Variants in EPB41L3 observed in about 807,000 individuals in gnomAD.
EPB41L3 encodes the protein erythrocyte membrane protein band 4.1 like 3.
EPB41L3 carries 57 observed loss-of-function variants against 127.1 expected under a neutral mutation model. The observed-to-expected ratio is 0.45, with a 90% confidence interval of 0.36 to 0.56. EPB41L3 has a LOEUF of 0.56. EPB41L3 is among the 20% of genes least tolerant of loss of function. EPB41L3 has a pLI of 0.00. For missense variants in EPB41L3, 1,273 were observed against 1,372.2 expected (o/e 0.93, Z 1.14); for synonymous variants, 572 against 549.5 (o/e 1.04, Z -0.57).
In EPB41L3 at chr18:5,397,922, A is replaced by G; in HGVS notation, c.2472+99T>C. ...AGACACCTTTGAGATGTTGAAGGCA[A>G]AGCCAGCTGGATGCAACCACACACT... is the stretch of plus-strand genomic sequence containing the variant. On this transcript the variant is annotated intron_variant, in intron 17 of 22. Transcript: ENST00000341928. The surrounding 1 kb of genome is among the most constrained non-coding windows in gnomAD (Gnocchi z 4.1). 6.8e-7 allele frequency: 1 copy of G among 1,474,058 alleles called. No homozygotes were observed. Among genetic ancestry groups the G allele is most frequent in the Non-Finnish European group, 9.3e-7 (1 of 1,072,240 alleles). 91.3% of individuals were successfully genotyped at this position (1,474,058 alleles called of 1,614,324 possible).
intron 3 of EPB41L3, among the ~76,000 whole-genome samples, chr18:5,453,876 G>A (rs990907741): frequency 6.6e-6 from 1 of 152,144 alleles, no homozygotes; most frequent in Non-Finnish European, 1.5e-5. Flanking sequence ...TATTTTGGAC[G>A]AATCTAACAA....
rs115668653 is a variant in EPB41L3 at position 5,405,172 on chromosome 18, T to C, written c.2349+1605A>G. Among the ~76,000 whole-genome samples the C allele has an allele frequency of 6.3e-3, 953 of 152,290 alleles. 3 individuals are homozygous for C. The highest frequency in any genetic ancestry group is 0.022 in the African/African-American group (898 of 41,564). On this transcript the variant is annotated intron_variant, in intron 16 of 22. Coordinates refer to ENST00000341928, the MANE Select transcript of EPB41L3 (RefSeq NM_012307.5). ...CTTTTGATAAACAGCTTTCAAAGGT[T>C]TAGAACATGATCAACAATAAGTGTA...
At chr18:5,562,557 A>G (rs992314162) in intron 3 of EPB41L3, among the ~76,000 whole-genome samples, 1 of 152,220 alleles carries the variant, frequency 6.6e-6, no homozygotes, top group African/African-American at 2.4e-5. Context: ...GGGTCAGGGT[A>G]CCAACCTCGT....
intron 13 of EPB41L3, among the ~76,000 whole-genome samples, chr18:5,415,491 T>C (rs920566730): frequency 6.6e-6 from 1 of 152,244 alleles, no homozygotes; most frequent in Admixed American, 6.5e-5. Context: ...AAACCATAAC[T>C]GATCAGAACC....
chr18:5,440,771 T>C (rs1428046117), intron 5 of EPB41L3, among the ~76,000 whole-genome samples: 5 of 152,222 alleles, frequency 3.3e-5, no homozygotes, highest in African/African-American at 1.2e-4. Flanking sequence ...TACTGTATCA[T>C]AAACATACTT....
chr18:5,608,258 C>T (rs1206778540), intron 3 of EPB41L3, among the ~76,000 whole-genome samples: 1 of 152,090 alleles, frequency 6.6e-6, no homozygotes, highest in Non-Finnish European at 1.5e-5. Context: ...GACGGGCACA[C>T]CAGATGTGTT....
intron 1 of EPB41L3, among the ~76,000 whole-genome samples, chr18:5,515,317 A>G (rs1254877097): frequency 6.6e-6 from 1 of 152,206 alleles, no homozygotes; most frequent in East Asian, 1.9e-4. Context: ...TTGCTGAAAT[A>G]ACATTGTTTG....
chr18:5,499,999 T>C lies in EPB41L3; in HGVS notation c.-11-10805A>G, dbSNP rs374004115. Among the ~76,000 whole-genome samples, 25 of 152,226 alleles carry C rather than the reference T, an allele frequency of 1.6e-4. No individual in the cohort carries two copies. The East Asian group carries it at 4.1e-3, about 25-fold the overall frequency. On this transcript the variant is annotated intron_variant, in intron 1 of 22. Transcript: ENST00000341928. Reference sequence around the variant, plus strand: ...TTTCTACAGAAAACATGAATGGCACTGAGTCTGCTTTTCGAGGCTCAATAA... The same window carrying C: ...TTTCTACAGAAAACATGAATGGCACCGAGTCTGCTTTTCGAGGCTCAATAA...
chr18:5,544,414 T>C (rs940876139), upstream of EPB41L3: 13 of 740,454 alleles, frequency 1.8e-5, no homozygotes, highest in African/African-American at 5.7e-5. Context: ...CAGTATTTTT[T>C]TTTTCTTTTT....
chr18:5,461,433 T>C (rs2083984867), intron 3 of EPB41L3, among the ~76,000 whole-genome samples: 1 of 152,234 alleles, frequency 6.6e-6, no homozygotes. Flanking sequence ...AATTTTCTCA[T>C]GTGCTTATTA....
At chr18:5,598,440 T>C (rs1049184820) in intron 3 of EPB41L3, among the ~76,000 whole-genome samples, 2 of 152,202 alleles carry the variant, frequency 1.3e-5, no homozygotes, top group African/African-American at 4.8e-5. Context: ...TATGTTAACA[T>C]GTAATGGTTT....
intron 3 of EPB41L3, among the ~76,000 whole-genome samples, chr18:5,451,486 G>C (rs1940450371): frequency 6.6e-6 from 1 of 152,142 alleles, no homozygotes; most frequent in South Asian, 2.1e-4. Context: ...TTTGGACTTT[G>C]TGGCACTTTA....
intron 19 of EPB41L3, 98 bp from the exon 20 acceptor site, chr18:5,395,805 T>TTCA: frequency 3.4e-6 from 3 of 882,484 alleles, no homozygotes; most frequent in Non-Finnish European, 5.6e-6. Context: ...TTTCACTATC[T>TTCA]CCTATTATGC....
At chr18:5,424,162 G>C in intron 10 of EPB41L3, 100 bp downstream of exon 10, 1 of 791,112 alleles carries the variant, frequency 1.3e-6, no homozygotes, top group Non-Finnish European at 1.9e-6. Flanking sequence ...AACTTGAAGG[G>C]ATAGAAAGAA....
intron 2 of EPB41L3, among the ~76,000 whole-genome samples, chr18:5,485,134 T>G (rs1316876154): frequency 1.4e-4 from 22 of 151,830 alleles, no homozygotes; most frequent in Admixed American, 1.4e-3. Context: ...AAAAGGGGAC[T>G]GAAAAGATCA....
intron 3 of EPB41L3, among the ~76,000 whole-genome samples, chr18:5,454,680 A>T (rs1051532227): frequency 6.6e-6 from 1 of 152,238 alleles, no homozygotes; most frequent in Admixed American, 6.5e-5. Context: ...CTACTTTCAA[A>T]CATTCATCAG....
At chr18:5,443,594 C>T (rs1030468945) in intron 5 of EPB41L3, among the ~76,000 whole-genome samples, 1 of 152,216 alleles carries the variant, frequency 6.6e-6, no homozygotes, top group East Asian at 1.9e-4. Context: ...CCAATTCTAA[C>T]ATCAGTTGAT....
chr18:5,434,095 T>C lies in EPB41L3; in HGVS notation c.632A>G (p.Asp211Gly). The change falls in exon 7 of 23, where the codon GAT (aspartate) becomes GGT (glycine). Residue 211 changes from aspartate (D) to glycine (G), a missense_variant. By Grantham distance (94) the Asp-to-Gly change is moderately conservative. This residue lies in a region of EPB41L3 where 326 missense variants were observed against 440.2 expected (regional missense o/e 0.74). Transcript: ENST00000341928. ...GGGCAGCCTTCCGGACACGATGTCA[T>C]CTCGCAACTGCAAGCAGAGGTAGTA... ...TRYYLCLQLRDDIVSGRLPCS... is the reference protein window; with the variant it reads ...TRYYLCLQLRGDIVSGRLPCS... The C allele has an allele frequency of 6.2e-7, 1 of 1,614,036 alleles. No homozygotes were observed. The highest frequency in any genetic ancestry group is 8.5e-7 in the Non-Finnish European group (1 of 1,180,004).
upstream of EPB41L3, among the ~76,000 whole-genome samples, chr18:5,546,353 A>C (rs2093881450): frequency 6.6e-6 from 1 of 152,092 alleles, no homozygotes; most frequent in African/African-American, 2.4e-5. Context: ...CAAGATGGTG[A>C]AACCCCGTCT....
Sources: gnomAD v4.1 joint callset for allele counts (sites outside exome capture counted in the v4.1 genomes callset) on GRCh38, gnomAD v4.1.1 for gene constraint, gnomAD v4.1.1 regional missense constraint, Gnocchi (gnomAD v3.1) non-coding constraint, MANE v1.5 for transcripts, NCBI Gene and HGNC (gene_info 2026-07-23, HGNC 2026-07-21) for gene names.